PCNX2: variants seen among roughly 807,000 people sequenced by gnomAD.
The protein encoded by PCNX2 is pecanex 2.
Under a neutral mutation model 223.8 loss-of-function variants are expected in PCNX2, and 168 were observed. The observed-to-expected ratio is 0.75, with a 90% CI of 0.66 to 0.85. The LOEUF (loss-of-function observed/expected upper bound fraction) is 0.85, where lower values mean the gene tolerates loss of function less well. Ranked by LOEUF, PCNX2 falls within the 40% of genes least tolerant of loss-of-function variation. The pLI, the probability that PCNX2 is intolerant of heterozygous loss-of-function variation, is 0.00. For synonymous variants in PCNX2, 1,006 were observed against 1,052.6 expected (o/e 0.96, Z 0.86); for missense variants, 2,507 against 2,675.5 (o/e 0.94, Z 1.39).
At chr1:233,197,128 C>A (rs1025690642) in intron 15 of PCNX2, among the ~76,000 whole-genome samples, 5 of 152,112 alleles carry the variant, frequency 3.3e-5, no homozygotes, top group African/African-American at 1.2e-4. Flanking sequence ...AAGAGACTGA[C>A]TACAAGGAAT....
intron 1 of PCNX2, among the ~76,000 whole-genome samples, chr1:233,268,821 G>A (rs115183019): frequency 1.5e-3 from 224 of 152,258 alleles, no homozygotes; most frequent in African/African-American, 5.3e-3. Flanking sequence ...TCCTCCCTTA[G>A]TGACTTCTGA....
At chr1:233,101,458 G>C (rs982236673) in intron 21 of PCNX2, among the ~76,000 whole-genome samples, 2 of 152,180 alleles carry the variant, frequency 1.3e-5, no homozygotes, top group Non-Finnish European at 2.9e-5. Flanking sequence ...CTCATTACAA[G>C]AGTGACTCTC....
intron 1 of PCNX2, chr1:233,285,118 C>A: frequency 1.7e-6 from 1 of 603,108 alleles, no homozygotes; most frequent in Non-Finnish European, 2.1e-6. Flanking sequence ...TTCGGGAGGC[C>A]AAAGTGAGAG....
intron 22 of PCNX2, among the ~76,000 whole-genome samples, chr1:233,094,008 CAACACGA>C (rs1674019868): frequency 6.6e-6 from 1 of 152,160 alleles, no homozygotes; most frequent in East Asian, 1.9e-4. Context: ...TGTGAACCCT[CAACACGA>C]ATATAGGGCA....
intron 21 of PCNX2, among the ~76,000 whole-genome samples, chr1:233,117,355 G>A (rs1191717170): frequency 6.6e-6 from 1 of 150,470 alleles, no homozygotes; most frequent in Non-Finnish European, 1.5e-5. Context: ...CCCCCGGCCT[G>A]GCGCGGTTGC....
At chr1:233,085,201 C>T (rs997419060) in intron 23 of PCNX2, among the ~76,000 whole-genome samples, 4 of 151,936 alleles carry the variant, frequency 2.6e-5, no homozygotes, top group African/African-American at 7.2e-5. Context: ...GGTGTGGTGG[C>T]GGGCCTCTGT....
rs80296685 is a variant in PCNX2 at position 233,281,301 on chromosome 1, T to G, written c.153+14025A>C. On this transcript the variant is annotated intron_variant, in intron 1 of 33. Coordinates refer to ENST00000258229, the MANE Select transcript of PCNX2 (RefSeq NM_014801.4). ...GACAAGTCTAGCCTAGAAAGAGGTGTCTATTGATAGGGAACTATATCCCAA... is the reference window on the plus strand; with the variant it reads ...GACAAGTCTAGCCTAGAAAGAGGTGGCTATTGATAGGGAACTATATCCCAA... Among the ~76,000 whole-genome samples, 900 of 152,310 alleles carry G rather than the reference T, an allele frequency of 5.9e-3. 12 individuals are homozygous for G. Among genetic ancestry groups the G allele is most frequent in the African/African-American group, 0.021 (878 of 41,562 alleles).
In PCNX2 at chr1:233,227,391, A is replaced by G. The variant is rs1267714458; in HGVS notation, c.2359-20T>C. 3.1e-6 allele frequency: 5 copies of G among 1,605,872 alleles called. No individual in the cohort carries two copies. The Admixed American group carries it at 8.6e-5, about 27-fold the overall frequency. On this transcript the variant is annotated intron_variant, in intron 9 of 33. Transcript: ENST00000258229. The stretch of plus-strand genomic sequence containing the variant: ...CACATGCTTTTAGATACCAAAAGAA[A>G]CAACAGAAAAAAGGGCTTTATGTTG...
intron 24 of PCNX2, 145 bp downstream of exon 24, chr1:233,057,087 T>C (rs1338039591): frequency 1.4e-6 from 1 of 736,932 alleles, no homozygotes; most frequent in East Asian, 2.8e-5. Context: ...TCACTCTACC[T>C]GCACAGTTTT....
At chr1:233,054,203 G>GT in intron 25 of PCNX2, 65 bp downstream of exon 25, 1 of 1,452,590 alleles carries the variant, frequency 6.9e-7, no homozygotes, top group Non-Finnish European at 9.5e-7. Context: ...TCTTCCTAAA[G>GT]TTTTGCTTGA....
intron 21 of PCNX2, 96 bp from the exon 22 acceptor site, chr1:233,095,959 G>T (rs752459539): frequency 1.4e-5 from 12 of 866,044 alleles, no homozygotes; most frequent in Non-Finnish European, 2.2e-5. Flanking sequence ...AGGTTAGGAA[G>T]GGGCAGTGAA....
At chr1:232,998,153 G>A in intron 32 of PCNX2, 98 bp downstream of exon 32, 1 of 1,252,034 alleles carries the variant, frequency 8.0e-7, no homozygotes, top group Non-Finnish European at 1.0e-6. Context: ...ATGCAAGAAG[G>A]TGCTCTCAGA....
In PCNX2 at chr1:233,258,699, G is replaced by C. The variant is rs200864263; in HGVS notation, c.1163C>G (p.Thr388Arg). The change falls in exon 5 of 34, where the codon ACA becomes AGA. Residue 388 changes from threonine to arginine, a missense_variant. Transcript: ENST00000258229. ...ITMSSTPNSM[T>R]DLESSLHLRV... ...CAGGTGGAGGGAGCTTTCCAAATCT[G>C]TCATGGAGTTTGGGGTACTGCTCAT... is the stretch of plus-strand genomic sequence containing the variant. 1.2e-6 allele frequency: 2 copies of C among 1,613,956 alleles called. No homozygotes were observed. Among genetic ancestry groups the C allele is most frequent in the Non-Finnish European group, 1.7e-6 (2 of 1,179,888 alleles).
chr1:233,207,753 G>A (rs1392210914), intron 13 of PCNX2, among the ~76,000 whole-genome samples: 1 of 152,148 alleles, frequency 6.6e-6, no homozygotes, highest in Non-Finnish European at 1.5e-5. Flanking sequence ...AAACCATACA[G>A]TATGCAGGTG....
At chr1:233,281,344 G>A (rs187444112) in intron 1 of PCNX2, among the ~76,000 whole-genome samples, 268 of 152,246 alleles carry the variant, frequency 1.8e-3, no homozygotes, top group Admixed American at 2.9e-3. Flanking sequence ...TTAGTTATCT[G>A]GCATTTCTTC....
At chr1:233,005,303 A>G (rs919299598) in intron 28 of PCNX2, among the ~76,000 whole-genome samples, 1 of 152,186 alleles carries the variant, frequency 6.6e-6, no homozygotes, top group African/African-American at 2.4e-5. Context: ...CACCCAGAGC[A>G]ACATCCACAG....
In PCNX2 at chr1:232,990,043, C is replaced by A. The variant is rs1669637788; in HGVS notation, c.5792-3503G>T. ...CTGCACTGGCCAAGCAGGTCTCTGG[C>A]TTCCTTTCTGGGAGCTGTGTGTCTC... On this transcript the variant is annotated intron_variant, in intron 32 of 33. Coordinates refer to ENST00000258229, the MANE Select transcript of PCNX2 (RefSeq NM_014801.4). The surrounding 1 kb of genome is among the most constrained non-coding windows in gnomAD (Gnocchi z 4.3). 6.6e-6 allele frequency among the ~76,000 whole-genome samples: 1 copy of A among 152,238 alleles called. No individual in the cohort carries two copies.
chr1:233,227,350 C>T lies in PCNX2; in HGVS notation c.2380G>A (p.Ala794Thr), dbSNP rs770679169. Residue 794 changes from alanine (A) to threonine (T), a missense_variant, in exon 10 of 34, where the codon GCC (alanine) becomes ACC (threonine). This residue lies in a region of PCNX2 where 1,031 missense variants were observed against 1,021.7 expected (regional missense o/e 1.01). Coordinates refer to ENST00000258229, the MANE Select transcript of PCNX2 (RefSeq NM_014801.4). ...TPRHVSQDLE[A>T]SSCSSTQGKF... is the part of the protein sequence containing the mutation. ...CCTTGTGTTGAAGAACATGACGAGG[C>T]TTCCAGATCCTGACTCACATGCTTT... The T allele has an allele frequency of 2.5e-6, 4 of 1,613,152 alleles. No homozygotes were observed. The highest frequency in any genetic ancestry group is 2.2e-5 in the South Asian group (2 of 90,960).
chr1:233,020,385 T>C lies in PCNX2; in HGVS notation c.4606-3231A>G, dbSNP rs535989018. On this transcript the variant is annotated intron_variant, in intron 26 of 33. Transcript: ENST00000258229. ...TAAAATCCTTCAGAATCTGTCCGGA[T>C]GAGGTGGATACAACACTAAGTAAAA... 3.3e-5 allele frequency among the ~76,000 whole-genome samples: 5 copies of C among 152,344 alleles called. No individual in the cohort carries two copies. The East Asian group carries it at 9.6e-4, about 29-fold the overall frequency.
Sources: gnomAD v4.1 joint callset for allele counts (sites outside exome capture counted in the v4.1 genomes callset) on GRCh38, gnomAD v4.1.1 for gene constraint, gnomAD v4.1.1 regional missense constraint, Gnocchi (gnomAD v3.1) non-coding constraint, MANE v1.5 for transcripts, NCBI Gene and HGNC (gene_info 2026-07-23, HGNC 2026-07-21) for gene names.